Variants in EFHD1 observed in about 807,000 individuals in gnomAD.
The protein encoded by EFHD1 is EF-hand domain family member D1.
A neutral mutation model predicts 17.2 loss-of-function variants in EFHD1; 10 were observed. That is an observed-to-expected ratio of 0.58 (90% CI 0.36 to 0.99). The LOEUF is 0.99. Among genes scored for constraint, EFHD1 ranks in the 50% least tolerant of loss-of-function variants. The pLI, the probability that EFHD1 is intolerant of heterozygous loss-of-function variation, is 0.01. For synonymous variants in EFHD1, 153 were observed against 142.0 expected, an observed-to-expected ratio of 1.08 and a Z score of -0.55; for missense variants, 310 against 327.5, an observed-to-expected ratio of 0.95 and a Z score of 0.41.
At position 232,682,222 on chromosome 2, in the gene EFHD1, C is replaced by G. The variant is rs2106223676; in HGVS notation, c.*503C>G. On this transcript the variant is annotated 3_prime_UTR_variant, in exon 4 of 4. Transcript: ENST00000264059. ...GGGTAATGGTGGGTCTTAATGGAGG[C>G]TGGGTGGACCACTGCCCGTCCACTC... is the stretch of plus-strand genomic sequence containing the variant. 1 of 153,372 alleles carries G rather than the reference C, an allele frequency of 6.5e-6. No individual in the cohort carries two copies. Among genetic ancestry groups the G allele is most frequent in the Admixed American group, 6.5e-5 (1 of 15,344 alleles). 9.5% of individuals were successfully genotyped at this position (153,372 alleles called of 1,614,324 possible). A position where few individuals can be genotyped will look rare whatever the true frequency, so the allele number is the denominator to read the frequency against.
intron 1 of EFHD1, among the ~76,000 whole-genome samples, chr2:232,660,186 TTTTA>T (rs1694832561): frequency 2.2e-5 from 2 of 89,490 alleles, no homozygotes; most frequent in South Asian, 6.7e-4. Flanking sequence ...TTTTATTTTA[TTTTA>T]TTTATTTATT....
chr2:232,681,018 T>C (rs1574739934), intron 3 of EFHD1, among the ~76,000 whole-genome samples: 1 of 130,966 alleles, frequency 7.6e-6, no homozygotes, highest in Non-Finnish European at 1.6e-5. Context: ...TAACCAGGCA[T>C]GGTGGCGTGC....
chr2:232,618,925 C>T (rs1489327340), intron 1 of EFHD1, among the ~76,000 whole-genome samples: 1 of 151,976 alleles, frequency 6.6e-6, no homozygotes, highest in East Asian at 1.9e-4. Context: ...GGGTGGATCA[C>T]CTGAGGTCAG....
At chr2:232,619,296 A>ATTTC (rs200384266) in intron 1 of EFHD1, among the ~76,000 whole-genome samples, 1 of 113,648 alleles carries the variant, frequency 8.8e-6, no homozygotes, top group Non-Finnish European at 2.0e-5. Flanking sequence ...ATAAAGGGTG[A>ATTTC]TTTCTTTCTT....
Position 232,668,398 on chromosome 2 carries a change from T to C in EFHD1, c.451-3911T>C, listed in dbSNP as rs1695004671. Among the ~76,000 whole-genome samples the C allele has an allele frequency of 1.3e-5, 2 of 152,190 alleles. 1 individual carries two copies. Among genetic ancestry groups the C allele is most frequent in the South Asian group, 4.1e-4 (2 of 4,826 alleles). ...ACCTGGCACAGTGAGTGGATACGTC[T>C]GGATCTGCCCCAGACCTGAGGGTTC... On this transcript the variant is annotated intron_variant, in intron 2 of 3. Coordinates refer to ENST00000264059, the MANE Select transcript of EFHD1 (RefSeq NM_025202.4).
intron 1 of EFHD1, among the ~76,000 whole-genome samples, chr2:232,643,276 A>T (rs1033214632): frequency 6.6e-6 from 1 of 152,216 alleles, no homozygotes; most frequent in African/African-American, 2.4e-5. Context: ...TCACCAGCCC[A>T]TCCGGGGTAG....
chr2:232,633,931 G>A lies in EFHD1; in HGVS notation c.227G>A (p.Arg76Lys). 6.3e-7 allele frequency: 1 copy of A among 1,593,162 alleles called. No homozygotes were observed. Among genetic ancestry groups the A allele is most frequent in the Non-Finnish European group, 8.5e-7 (1 of 1,177,518 alleles). The change falls in exon 1 of 4, where the codon AGG (arginine) becomes AAG (lysine). Residue 76 changes from arginine (R) to lysine (K), a missense_variant. Coordinates refer to ENST00000264059, the MANE Select transcript of EFHD1 (RefSeq NM_025202.4). Reference protein sequence around the residue: ...NEGAARPRRCRVFNPYTEFPE... With the variant: ...NEGAARPRRCKVFNPYTEFPE... ...GGCGCTGCGCGGCCCCGGCGCTGCA[G>A]GGTCTTCAACCCCTACACGGAGTTC...
At chr2:232,628,598 C>G (rs188085710) in intron 1 of EFHD1, among the ~76,000 whole-genome samples, 2 of 152,240 alleles carry the variant, frequency 1.3e-5, no homozygotes, top group East Asian at 3.9e-4. Flanking sequence ...CTCAGAGGCC[C>G]GTACTGACCT....
chr2:232,638,280 C>A (rs907235197), intron 1 of EFHD1: 1 of 465,054 alleles, frequency 2.2e-6, no homozygotes, highest in South Asian at 1.6e-5. Flanking sequence ...AGGCAGGACC[C>A]CAATGCAACA....
chr2:232,680,079 C>G (rs553397162), intron 3 of EFHD1, among the ~76,000 whole-genome samples: 1 of 152,158 alleles, frequency 6.6e-6, no homozygotes, highest in African/African-American at 2.4e-5. Flanking sequence ...TCAAGACCAG[C>G]CCGGGCAACG....
At chr2:232,620,402 A>AG (rs1374403494) in intron 1 of EFHD1, among the ~76,000 whole-genome samples, 1 of 151,350 alleles carries the variant, frequency 6.6e-6, no homozygotes, top group African/African-American at 2.4e-5. Flanking sequence ...AAAAAAAAAA[A>AG]AGAGACAGAG....
At chr2:232,623,409 C>T (rs1023579846) in intron 1 of EFHD1, among the ~76,000 whole-genome samples, 6 of 152,054 alleles carry the variant, frequency 3.9e-5, no homozygotes, top group African/African-American at 7.2e-5. Flanking sequence ...TATTGTGGCT[C>T]ATGCCTGTAA....
At chr2:232,641,478 G>A (rs1694430343) in intron 1 of EFHD1, among the ~76,000 whole-genome samples, 1 of 152,238 alleles carries the variant, frequency 6.6e-6, no homozygotes, top group African/African-American at 2.4e-5. Flanking sequence ...TGGAGGCTAG[G>A]AGATGGGCTG....
intron 1 of EFHD1, among the ~76,000 whole-genome samples, chr2:232,644,680 T>G (rs1309214934): frequency 6.6e-6 from 1 of 151,908 alleles, no homozygotes; most frequent in Non-Finnish European, 1.5e-5. Flanking sequence ...CGGCTAATTT[T>G]TTGTATTTTT....
chr2:232,671,665 T>A (rs1695069603), intron 2 of EFHD1, among the ~76,000 whole-genome samples: 1 of 151,360 alleles, frequency 6.6e-6, no homozygotes, highest in Non-Finnish European at 1.5e-5. Flanking sequence ...AGGCAGAGGT[T>A]GCAGTGAGCC....
At chr2:232,615,010 G>T (rs1429852785) in intron 1 of EFHD1, among the ~76,000 whole-genome samples, 1 of 152,030 alleles carries the variant, frequency 6.6e-6, no homozygotes, top group Non-Finnish European at 1.5e-5. Context: ...ATTTATTAAA[G>T]ATGGGTCTCT....
At chr2:232,623,965 C>T (rs1165638340) in intron 1 of EFHD1, among the ~76,000 whole-genome samples, 1 of 152,050 alleles carries the variant, frequency 6.6e-6, no homozygotes, top group African/African-American at 2.4e-5. Context: ...GATGTAGGGG[C>T]AGACAGCTGG....
chr2:232,673,907 C>CTTTTT (rs11409819), intron 3 of EFHD1, among the ~76,000 whole-genome samples: 5 of 119,974 alleles, frequency 4.2e-5, no homozygotes, highest in Non-Finnish European at 3.5e-5. Context: ...AAGACTTCTT[C>CTTTTT]TTTTTTTTTT....
intron 1 of EFHD1, among the ~76,000 whole-genome samples, chr2:232,609,854 G>C (rs780286031): frequency 6.6e-6 from 1 of 152,208 alleles, no homozygotes; most frequent in Non-Finnish European, 1.5e-5. Context: ...GACCCGGCCA[G>C]GGGAGTGGTG....
Sources: allele counts gnomAD v4.1 joint callset (sites outside exome capture counted in the v4.1 genomes callset), GRCh38; gene constraint gnomAD v4.1.1; transcripts MANE v1.5; gene names NCBI Gene and HGNC (gene_info 2026-07-23, HGNC 2026-07-21).